Variants in ZBTB16 observed in about 807,000 individuals in gnomAD.
ZBTB16 encodes the protein zinc finger and BTB domain-containing protein 16.
ZBTB16 carries 8 observed loss-of-function variants against 56.8 expected under a neutral mutation model. That is an observed-to-expected ratio of 0.14 (90% confidence interval 0.08 to 0.25). The LOEUF (loss-of-function observed/expected upper bound fraction) is 0.25. Ranked by LOEUF, ZBTB16 falls within the 10% of genes least tolerant of loss-of-function variation. ZBTB16 has a pLI of 1.00. For missense variants in ZBTB16, 625 were observed against 903.0 expected, an observed-to-expected ratio of 0.69 and a Z score of 3.95; for synonymous variants, 363 against 368.5, an observed-to-expected ratio of 0.98 and a Z score of 0.17.
chr11:114,084,199 G>A (rs921709700), intron 2 of ZBTB16, among the ~76,000 whole-genome samples: 2 of 151,958 alleles, frequency 1.3e-5, no homozygotes, highest in African/African-American at 4.8e-5. Context: ...TCATTTTTTG[G>A]TGGCAGTAGG....
intron 2 of ZBTB16, among the ~76,000 whole-genome samples, chr11:114,095,011 T>C (rs964671237): frequency 6.6e-6 from 1 of 152,230 alleles, no homozygotes; most frequent in Non-Finnish European, 1.5e-5. Flanking sequence ...CCTGTCTGCA[T>C]GTTCTGGCAT....
intron 2 of ZBTB16, among the ~76,000 whole-genome samples, chr11:114,096,029 A>G (rs114613118): frequency 6.6e-6 from 1 of 152,348 alleles, no homozygotes; most frequent in African/African-American, 2.4e-5. Context: ...AATTACCAGT[A>G]TTTATCTTGT....
intron 2 of ZBTB16, among the ~76,000 whole-genome samples, chr11:114,100,046 A>G (rs1025219287): frequency 1.3e-5 from 2 of 152,214 alleles, no homozygotes; most frequent in African/African-American, 4.8e-5. Context: ...AGCACCCCAA[A>G]GCAGCTGCAT....
In ZBTB16 at chr11:114,250,775, C is replaced by A. The variant is rs559206155; in HGVS notation, c.*220C>A. 40 of 594,884 alleles carry A rather than the reference C, an allele frequency of 6.7e-5. No individual in the cohort carries two copies. Among genetic ancestry groups the A allele is most frequent in the African/African-American group, 6.5e-4 (35 of 53,820 alleles). The allele number at this position is 594,884 out of a possible 1,614,324, so 36.9% of individuals were successfully genotyped here. A position where few individuals can be genotyped will look rare whatever the true frequency, so the allele number is the denominator to read the frequency against. ...GGGGGCCTCCACCCTCCTCTCCCGG[C>A]TGGAGGTTTGCCTGATTTTCTGGGA... On this transcript the variant is annotated 3_prime_UTR_variant, in exon 7 of 7. Coordinates refer to ENST00000335953, the MANE Select transcript of ZBTB16 (RefSeq NM_006006.6). The surrounding 1 kb of genome is among the most constrained non-coding windows in gnomAD (Gnocchi z 6.0).
rs186612747 is a variant in ZBTB16 at position 114,137,814 on chromosome 11, G to A, written c.1269-18523G>A. ...CACACTGGAGTAAGGGGCTTTCTGG[G>A]ACCTGGATGGAGTCTCCTTCCTCCC... On this transcript the variant is annotated intron_variant, in intron 2 of 6. Coordinates refer to ENST00000335953, the MANE Select transcript of ZBTB16 (RefSeq NM_006006.6). Among the ~76,000 whole-genome samples, 176 of 152,326 alleles carry A rather than the reference G, an allele frequency of 1.2e-3. 2 individuals are homozygous for A. The highest frequency in any genetic ancestry group is 1.1e-3 in the Non-Finnish European group (74 of 68,020).
intron 2 of ZBTB16, among the ~76,000 whole-genome samples, chr11:114,074,410 G>C (rs1939462139): frequency 6.6e-6 from 1 of 152,204 alleles, no homozygotes; most frequent in Non-Finnish European, 1.5e-5. Context: ...TTTTATGGTA[G>C]CTGGGGGAAA....
chr11:114,110,425 T>C (rs1940963712), intron 2 of ZBTB16, among the ~76,000 whole-genome samples: 2 of 152,328 alleles, frequency 1.3e-5, no homozygotes, highest in South Asian at 4.1e-4. Context: ...GGCCAAGCCT[T>C]TGCCCAGCCA....
chr11:114,190,160 G>C (rs1442331957), intron 4 of ZBTB16, among the ~76,000 whole-genome samples: 1 of 152,202 alleles, frequency 6.6e-6, no homozygotes, highest in African/African-American at 2.4e-5. Context: ...TGGGGAAGTT[G>C]CGAGGAAATT....
chr11:114,219,288 A>G (rs547079097), intron 4 of ZBTB16, among the ~76,000 whole-genome samples: 14 of 152,234 alleles, frequency 9.2e-5, no homozygotes, highest in African/African-American at 3.4e-4. Context: ...AAAAAGCCCC[A>G]ACCAACCAAC....
At chr11:114,147,026 G>T (rs186328729) in intron 2 of ZBTB16, among the ~76,000 whole-genome samples, 1 of 152,074 alleles carries the variant, frequency 6.6e-6, no homozygotes, top group African/African-American at 2.4e-5. Flanking sequence ...CAGGTAATCC[G>T]TTCAGTCTCT....
At chr11:114,093,314 T>A (rs1463621091) in intron 2 of ZBTB16, among the ~76,000 whole-genome samples, 2 of 149,770 alleles carry the variant, frequency 1.3e-5, no homozygotes, top group Non-Finnish European at 3.0e-5. Flanking sequence ...TGTGGAGAGG[T>A]GAACACCGTA....
Position 114,253,230 on chromosome 11 carries a change from C to T in ZBTB16, c.*2675C>T, listed in dbSNP as rs975736719. Among the ~76,000 whole-genome samples the T allele has an allele frequency of 3.3e-5, 5 of 152,152 alleles. No individual in the cohort carries two copies. Among genetic ancestry groups the T allele is most frequent in the African/African-American group, 1.2e-4 (5 of 41,444 alleles). ...AAATCAAACTATTCCATAGAACTAG[C>T]TGGCCCCCTCACTCCCATGCCCTTC... On this transcript the variant is annotated 3_prime_UTR_variant, in exon 7 of 7. Transcript: ENST00000335953.
At chr11:114,083,403 T>G (rs1439461206) in intron 2 of ZBTB16, among the ~76,000 whole-genome samples, 1 of 152,104 alleles carries the variant, frequency 6.6e-6, no homozygotes, top group Non-Finnish European at 1.5e-5. Flanking sequence ...AAGAAATTGG[T>G]TTTGGAGACT....
In ZBTB16 at chr11:114,198,439, T is replaced by G. The variant is rs17116632; in HGVS notation, c.1453+11401T>G. On this transcript the variant is annotated intron_variant, in intron 4 of 6. Transcript: ENST00000335953. Reference sequence around the variant, plus strand: ...TCTCGGCTGTGCTGGAGCTGCTTGCTGTAGAGTAGGGAGGAACAACCCAGC... The same window carrying G: ...TCTCGGCTGTGCTGGAGCTGCTTGCGGTAGAGTAGGGAGGAACAACCCAGC... Among the ~76,000 whole-genome samples the G allele has an allele frequency of 9.9e-5, 15 of 152,188 alleles. No individual in the cohort carries two copies. In the South Asian group the frequency reaches 1.5e-3, roughly 15 times the overall value.
intron 4 of ZBTB16, 182 bp downstream of exon 4, chr11:114,187,220 A>C: frequency 1.4e-6 from 1 of 704,064 alleles, no homozygotes; most frequent in South Asian, 1.5e-5. Context: ...CTGGCCCAGC[A>C]GAAGTTTACA....
chr11:114,088,727 G>A (rs1333398848), intron 2 of ZBTB16, among the ~76,000 whole-genome samples: 1 of 152,228 alleles, frequency 6.6e-6, no homozygotes, highest in Non-Finnish European at 1.5e-5. Context: ...GTGGGGAAGG[G>A]CCCCAGAAGC....
intron 2 of ZBTB16, among the ~76,000 whole-genome samples, chr11:114,099,345 A>G (rs1940527328): frequency 6.6e-6 from 1 of 152,176 alleles, no homozygotes; most frequent in Non-Finnish European, 1.5e-5. Flanking sequence ...ATACACACAT[A>G]TATAAAATAA....
At chr11:114,200,269 A>C (rs1943707024) in intron 4 of ZBTB16, among the ~76,000 whole-genome samples, 1 of 152,198 alleles carries the variant, frequency 6.6e-6, no homozygotes, top group South Asian at 2.1e-4. Context: ...CCTCACCAGT[A>C]GACAAGAATT....
At chr11:114,247,778 T>C (rs529065872) in intron 6 of ZBTB16, among the ~76,000 whole-genome samples, 60 of 152,314 alleles carry the variant, frequency 3.9e-4, no homozygotes, top group Admixed American at 7.8e-4. Flanking sequence ...ATACATTGAA[T>C]TAGGTTGTTA....
Sources: allele counts gnomAD v4.1 joint callset (sites outside exome capture counted in the v4.1 genomes callset), GRCh38; gene constraint gnomAD v4.1.1; non-coding constraint Gnocchi (gnomAD v3.1); transcripts MANE v1.5; gene names NCBI Gene and HGNC (gene_info 2026-07-23, HGNC 2026-07-21).